FREM3: variants seen among roughly 807,000 people sequenced by gnomAD.
The protein encoded by FREM3 is FRAS1-related extracellular matrix protein 3.
FREM3 carries 105 observed loss-of-function variants against 129.1 expected under a neutral mutation model. The observed-to-expected ratio is 0.81, with a 90% confidence interval of 0.69 to 0.96. The LOEUF is 0.96. Ranked by LOEUF, FREM3 falls within the 40% of genes least tolerant of loss-of-function variation. FREM3 has a pLI of 0.00. For missense variants in FREM3, 2,593 were observed against 2,666.3 expected (o/e 0.97, Z 0.61); for synonymous variants, 1,014 against 1,044.9 (o/e 0.97, Z 0.57).
chr4:143,611,193 T>C (rs1193180060), intron 6 of FREM3, 86 bp downstream of exon 6: 43 of 1,362,234 alleles, frequency 3.2e-5, no homozygotes, highest in Non-Finnish European at 4.2e-5. Context: ...AAAAGATAAT[T>C]TAAGCTACAT....
At chr4:143,609,401 T>G (rs1340269720) in intron 6 of FREM3, among the ~76,000 whole-genome samples, 1 of 152,200 alleles carries the variant, frequency 6.6e-6, no homozygotes, top group Non-Finnish European at 1.5e-5. Flanking sequence ...CTTTTCATAT[T>G]AATTCTTCAT....
intron 2 of FREM3, among the ~76,000 whole-genome samples, chr4:143,663,598 A>G (rs1444893050): frequency 2.0e-5 from 3 of 152,026 alleles, no homozygotes; most frequent in South Asian, 4.2e-4. Context: ...TCTTTGTGGC[A>G]TTCTCTGTAT....
chr4:143,665,061 C>A (rs1444488935), intron 2 of FREM3, among the ~76,000 whole-genome samples: 1 of 152,120 alleles, frequency 6.6e-6, no homozygotes, highest in Non-Finnish European at 1.5e-5. Context: ...AATGCCTCAC[C>A]CTGCTTTGGC....
chr4:143,639,398 G>T (rs1739283631), intron 2 of FREM3, among the ~76,000 whole-genome samples: 1 of 152,142 alleles, frequency 6.6e-6, no homozygotes, highest in South Asian at 2.1e-4. Context: ...AACTAAAGGT[G>T]TGGCCCTGGG....
intron 6 of FREM3, among the ~76,000 whole-genome samples, chr4:143,605,122 A>G (rs1738646070): frequency 6.6e-6 from 1 of 152,128 alleles, no homozygotes; most frequent in Non-Finnish European, 1.5e-5. Flanking sequence ...CATTTCAAAC[A>G]ACACTGTAAA....
At chr4:143,685,646 A>G (rs1395120057) in intron 2 of FREM3, among the ~76,000 whole-genome samples, 1 of 152,274 alleles carries the variant, frequency 6.6e-6, no homozygotes. Context: ...AACAAAGTGC[A>G]CGATGACTGC....
At chr4:143,584,104 G>C (rs1484921798) in intron 7 of FREM3, among the ~76,000 whole-genome samples, 1 of 152,198 alleles carries the variant, frequency 6.6e-6, no homozygotes, top group African/African-American at 2.4e-5. Context: ...CAAAGTAAAG[G>C]GATGGAGAAA....
At chr4:143,580,239 T>G (rs1738107525) in intron 7 of FREM3, among the ~76,000 whole-genome samples, 1 of 152,040 alleles carries the variant, frequency 6.6e-6, no homozygotes, top group Non-Finnish European at 1.5e-5. Context: ...AGGTTGAGAT[T>G]CATCAAGGAA....
At chr4:143,586,923 T>C (rs556390645) in intron 6 of FREM3, among the ~76,000 whole-genome samples, 45 of 152,336 alleles carry the variant, frequency 3.0e-4, no homozygotes, top group Admixed American at 1.5e-3. Flanking sequence ...CTTGAGGTTG[T>C]TGAACGGAAA....
At chr4:143,680,915 T>C (rs1227660371) in intron 2 of FREM3, among the ~76,000 whole-genome samples, 1 of 152,110 alleles carries the variant, frequency 6.6e-6, no homozygotes, top group African/African-American at 2.4e-5. Context: ...CATAATTTGC[T>C]TGAAAAGGAC....
intron 6 of FREM3, among the ~76,000 whole-genome samples, chr4:143,593,749 C>T (rs1434033000): frequency 2.0e-5 from 3 of 152,228 alleles, no homozygotes; most frequent in Non-Finnish European, 4.4e-5. Context: ...AGAACCACTA[C>T]TCTCTTCAAA....
chr4:143,588,467 C>A (rs974629077), intron 6 of FREM3, among the ~76,000 whole-genome samples: 1 of 142,654 alleles, frequency 7.0e-6, no homozygotes, highest in Non-Finnish European at 1.5e-5. Flanking sequence ...TTGTTCAATT[C>A]CCACCTATGA....
intron 2 of FREM3, among the ~76,000 whole-genome samples, chr4:143,650,287 C>G (rs1486903243): frequency 6.6e-6 from 1 of 152,192 alleles, no homozygotes; most frequent in Non-Finnish European, 1.5e-5. Flanking sequence ...ACTGTAAAAG[C>G]AGTTTTCACT....
At position 143,697,148 on chromosome 4, in the gene FREM3, G is replaced by C; in HGVS notation, c.3528C>G (p.Phe1176Leu). 9 of 1,537,884 alleles carry C rather than the reference G, an allele frequency of 5.9e-6. No individual in the cohort carries two copies. Among genetic ancestry groups the C allele is most frequent in the Non-Finnish European group, 7.8e-6 (9 of 1,147,042 alleles). ...TTATAGGGAAGAAGACATTTGGGGA[G>C]AAGTTGATGCCATCAGAGCAATAAA... Reference protein sequence around the residue: ...FTFYCSDGINFSPNVFFPIII... With the variant: ...FTFYCSDGINLSPNVFFPIII... Residue 1176 changes from phenylalanine to leucine, a missense_variant, in exon 1 of 8, where the codon TTC (phenylalanine) becomes TTG (leucine). Physicochemically the swap from Phe to Leu is conservative, Grantham distance 22. Around this residue, in one of 2 missense-constraint regions of FREM3, gnomAD observed 2,276 missense variants for 2,267.2 expected, o/e 1.00. Transcript: ENST00000329798.
Position 143,698,118 on chromosome 4 carries a change from T to C in FREM3, c.2558A>G (p.His853Arg). ...GSFNLSSNEL[H>R]VTDPDTDIDQ... The stretch of plus-strand genomic sequence containing the variant: ...AATGTCTGTGTCTGGGTCTGTAACA[T>C]GCAGCTCATTACTGCTGAGGTTAAA... The change falls in exon 1 of 8, where the codon CAT (histidine) becomes CGT (arginine). Residue 853 changes from histidine (H) to arginine (R), a missense_variant. His to Arg is a conservative substitution (Grantham distance 29). Around this residue, in one of 2 missense-constraint regions of FREM3, gnomAD observed 2,276 missense variants for 2,267.2 expected, o/e 1.00. Transcript: ENST00000329798. 1 of 1,537,466 alleles carries C rather than the reference T, an allele frequency of 6.5e-7. No homozygotes were observed. Among genetic ancestry groups the C allele is most frequent in the Non-Finnish European group, 8.7e-7 (1 of 1,146,954 alleles).
rs1738752340 is a variant in FREM3 at position 143,611,379 on chromosome 4, C to T, written c.5928G>A (p.Glu1976=). The T allele has an allele frequency of 6.5e-7, 1 of 1,537,070 alleles. No individual in the cohort carries two copies. The highest frequency in any genetic ancestry group is 1.4e-5 in the African/African-American group (1 of 73,046). The change falls in exon 6 of 8, where the codon GAG becomes GAA. Residue 1976 remains glutamate, a synonymous_variant. Transcript: ENST00000329798. The part of the protein sequence containing the change: ...VLIIDDSLYE[E]EESFSVSLRL... The stretch of plus-strand genomic sequence containing the variant: ...TAAGTGAAACGCTGAAGGATTCCTC[C>T]TCTTCATAAAGGGAGTCATCAATGA...
intron 2 of FREM3, among the ~76,000 whole-genome samples, chr4:143,658,286 C>T (rs1476034095): frequency 6.6e-6 from 1 of 151,920 alleles, no homozygotes; most frequent in Non-Finnish European, 1.5e-5. Flanking sequence ...GGGATTAGTC[C>T]CCTTATAAAA....
chr4:143,687,440 A>C (rs1056937814), intron 2 of FREM3, among the ~76,000 whole-genome samples: 1 of 152,196 alleles, frequency 6.6e-6, no homozygotes, highest in Non-Finnish European at 1.5e-5. Context: ...CATTCAAAGA[A>C]GAATTGGTAC....
chr4:143,697,836 A>G lies in FREM3; in HGVS notation c.2840T>C (p.Leu947Pro), dbSNP rs1740605269. The G allele has an allele frequency of 6.5e-7, 1 of 1,537,590 alleles. No individual in the cohort carries two copies. Among genetic ancestry groups the G allele is most frequent in the Non-Finnish European group, 8.7e-7 (1 of 1,146,984 alleles). The part of the protein sequence containing the change: ...NVANRSPRIS[L>P]RSSSLLDVSI... ...AACATCCAATAATGAACTACTTCTG[A>G]GAGAGATCCTAGGACTTCTGTTAGC... The change falls in exon 1 of 8, where the codon CTC (leucine) becomes CCC (proline). Residue 947 changes from leucine (L) to proline (P), a missense_variant. Coordinates refer to ENST00000329798, the MANE Select transcript of FREM3 (RefSeq NM_001168235.2).
Sources: allele counts gnomAD v4.1 joint callset (sites outside exome capture counted in the v4.1 genomes callset), GRCh38; gene constraint gnomAD v4.1.1; regional missense constraint gnomAD v4.1.1; transcripts MANE v1.5; gene names NCBI Gene and HGNC (gene_info 2026-07-23, HGNC 2026-07-21).